The following FSTL4 variants were observed in gnomAD, a reference collection of about 807,000 sequenced individuals.
FSTL4 encodes follistatin-related protein 4.
A neutral mutation model predicts 78.2 loss-of-function variants in FSTL4; 28 were observed. The ratio of observed to expected loss-of-function variants is 0.36; its 90% CI spans 0.27 to 0.49. FSTL4 has a LOEUF of 0.49. FSTL4 is among the 20% of genes least tolerant of loss of function. FSTL4 has a pLI of 0.98. For synonymous variants in FSTL4, 422 were observed against 440.5 expected, an observed-to-expected ratio of 0.96 and a Z score of 0.53; for missense variants, 922 against 1,084.9, an observed-to-expected ratio of 0.85 and a Z score of 2.11.
intron 4 of FSTL4, among the ~76,000 whole-genome samples, chr5:133,390,384 C>T (rs1755813499): frequency 6.6e-6 from 1 of 152,250 alleles, no homozygotes; most frequent in Non-Finnish European, 1.5e-5. Flanking sequence ...GGGAAGAACT[C>T]TCTAGGAGAT....
intron 4 of FSTL4, among the ~76,000 whole-genome samples, chr5:133,375,714 A>G (rs192599486): frequency 1.9e-4 from 29 of 152,304 alleles, no homozygotes; most frequent in Middle Eastern, 3.4e-3. Flanking sequence ...GGCAACTACC[A>G]AAAATATCTA....
At chr5:133,436,593 T>C (rs1210505867) in intron 3 of FSTL4, among the ~76,000 whole-genome samples, 3 of 152,204 alleles carry the variant, frequency 2.0e-5, no homozygotes, top group African/African-American at 7.2e-5. Flanking sequence ...TGGAGACTAC[T>C]ATTTATAAGG....
At chr5:133,513,163 C>T (rs895200135) in intron 3 of FSTL4, among the ~76,000 whole-genome samples, 1 of 152,168 alleles carries the variant, frequency 6.6e-6, no homozygotes, top group Non-Finnish European at 1.5e-5. Flanking sequence ...CTCCAGAGAG[C>T]TGCGCCTTTG....
At chr5:133,237,577 T>G (rs1393348744) in intron 7 of FSTL4, among the ~76,000 whole-genome samples, 2 of 152,186 alleles carry the variant, frequency 1.3e-5, no homozygotes, top group Non-Finnish European at 2.9e-5. Flanking sequence ...AGAAGCTGAC[T>G]CTGTAATAAG....
chr5:133,737,112 A>G, the FSTL4 span, among the ~76,000 whole-genome samples: 1 of 152,082 alleles, frequency 6.6e-6, no homozygotes, highest in South Asian at 2.1e-4. Flanking sequence ...TAAAATGTAT[A>G]ATTAAGTTAT....
chr5:133,653,117 A>G, the FSTL4 span, among the ~76,000 whole-genome samples: 1 of 152,210 alleles, frequency 6.6e-6, no homozygotes, highest in African/African-American at 2.4e-5. Flanking sequence ...TTCACACCAC[A>G]GAGCCCAGGC....
chr5:133,835,631 G>C, the FSTL4 span, among the ~76,000 whole-genome samples: 1 of 152,156 alleles, frequency 6.6e-6, no homozygotes, highest in African/African-American at 2.4e-5. Flanking sequence ...AAGACCACAG[G>C]TAAAGCAAGC....
At chr5:133,491,641 A>G (rs1312137329) in intron 3 of FSTL4, among the ~76,000 whole-genome samples, 3 of 152,058 alleles carry the variant, frequency 2.0e-5, no homozygotes, top group Admixed American at 6.6e-5. Flanking sequence ...TGACCTCGTG[A>G]TCCACCCACC....
intron 1 of FSTL4, among the ~76,000 whole-genome samples, chr5:133,609,721 G>A (rs1381161656): frequency 6.6e-6 from 1 of 152,224 alleles, no homozygotes; most frequent in Non-Finnish European, 1.5e-5. Context: ...TATGTGCCAT[G>A]TATAAATCTC....
At chr5:133,624,654 T>C in the FSTL4 span, among the ~76,000 whole-genome samples, 2 of 152,000 alleles carry the variant, frequency 1.3e-5, no homozygotes, top group African/African-American at 2.4e-5. Context: ...TTCTCTATTC[T>C]GTTCCACTGA....
intron 6 of FSTL4, 141 bp from the exon 7 acceptor site, chr5:133,249,717 T>G (rs747038618): frequency 3.1e-6 from 2 of 641,218 alleles, no homozygotes; most frequent in Non-Finnish European, 5.4e-6. Flanking sequence ...TACAATGTGC[T>G]GACTAAATGT....
intron 3 of FSTL4, among the ~76,000 whole-genome samples, chr5:133,506,756 G>A (rs1273348977): frequency 6.6e-6 from 1 of 152,180 alleles, no homozygotes; most frequent in Non-Finnish European, 1.5e-5. Flanking sequence ...CATCCATCTT[G>A]GCTCTCAGTG....
chr5:133,203,242 A>T (rs1274072901), intron 14 of FSTL4, among the ~76,000 whole-genome samples: 3 of 152,124 alleles, frequency 2.0e-5, no homozygotes, highest in African/African-American at 7.2e-5. Context: ...TAATCATGAT[A>T]TTGTGGCCAC....
At position 133,610,347 on chromosome 5, in the gene FSTL4, G is replaced by A. The variant is rs543207157; in HGVS notation, c.-11+1978C>T. The stretch of plus-strand genomic sequence containing the variant: ...AGTCTAAGAGAGAAAAAAGCACTAG[G>A]ACAACTCTAACGAGCAATTTAAATA... On this transcript the variant is annotated intron_variant, in intron 1 of 15. Transcript: ENST00000265342. Among the ~76,000 whole-genome samples, 24 of 152,250 alleles carry A rather than the reference G, an allele frequency of 1.6e-4. No homozygotes were observed. In the South Asian group the frequency reaches 2.5e-3, roughly 16 times the overall value.
the FSTL4 span, among the ~76,000 whole-genome samples, chr5:133,704,731 C>A: frequency 6.6e-6 from 1 of 152,218 alleles, no homozygotes; most frequent in Non-Finnish European, 1.5e-5. Context: ...TGGGGTGTAC[C>A]CAATGCCTGT....
At chr5:133,696,444 C>A in the FSTL4 span, among the ~76,000 whole-genome samples, 2 of 152,226 alleles carry the variant, frequency 1.3e-5, no homozygotes, top group African/African-American at 4.8e-5. Context: ...TTCACCCTGA[C>A]CCTAGAATTC....
chr5:133,565,316 C>T (rs939743440), intron 3 of FSTL4, among the ~76,000 whole-genome samples: 5 of 152,180 alleles, frequency 3.3e-5, no homozygotes, highest in African/African-American at 1.2e-4. Flanking sequence ...AGATTAACAA[C>T]CCCACAACCC....
At chr5:133,275,508 C>T (rs952522983) in intron 6 of FSTL4, among the ~76,000 whole-genome samples, 15 of 151,048 alleles carry the variant, frequency 9.9e-5, no homozygotes, top group African/African-American at 2.2e-4. Flanking sequence ...TCCAGGGTGC[C>T]GAGATCGTGC....
At chr5:133,794,103 C>T in the FSTL4 span, among the ~76,000 whole-genome samples, 6 of 152,256 alleles carry the variant, frequency 3.9e-5, no homozygotes, top group African/African-American at 1.4e-4. Context: ...GGGGCTGCAC[C>T]TCTGGAGCTC....
Sources: gnomAD v4.1 joint callset for allele counts (sites outside exome capture counted in the v4.1 genomes callset) on GRCh38, gnomAD v4.1.1 for gene constraint, MANE v1.5 for transcripts, NCBI Gene and HGNC (gene_info 2026-07-23, HGNC 2026-07-21) for gene names.